The following DAB1 variants were observed in gnomAD, a reference collection of about 807,000 sequenced individuals.
The protein encoded by DAB1 is disabled homolog 1.
Under a neutral mutation model 64.6 loss-of-function variants are expected in DAB1, and 15 were observed. That is an observed-to-expected ratio of 0.23 (90% CI 0.16 to 0.36). The LOEUF is 0.36. Among genes scored for constraint, DAB1 ranks in the 10% least tolerant of loss-of-function variants. The pLI is 1.00. For synonymous variants in DAB1, 235 were observed against 251.9 expected (o/e 0.93, Z 0.64); for missense variants, 596 against 706.7 (o/e 0.84, Z 1.78).
chr1:57,830,915 T>C (rs544432663), intron 1 of DAB1, among the ~76,000 whole-genome samples: 4 of 152,100 alleles, frequency 2.6e-5, no homozygotes, highest in Non-Finnish European at 5.9e-5. Context: ...TTTTATTTTA[T>C]TTATTTCTTT....
chr1:58,309,197 T>C (rs973767453), intron 4 of DAB1, among the ~76,000 whole-genome samples: 1 of 152,178 alleles, frequency 6.6e-6, no homozygotes, highest in African/African-American at 2.4e-5. Context: ...CAGATATAAA[T>C]GTTCCATACA....
chr1:57,746,820 T>TCAATCTG (rs1557457616), intron 6 of DAB1, among the ~76,000 whole-genome samples: 1 of 152,200 alleles, frequency 6.6e-6, no homozygotes, highest in East Asian at 1.9e-4. Context: ...CTGTGATTGG[T>TCAATCTG]TGAACCCATG....
intron 4 of DAB1, among the ~76,000 whole-genome samples, chr1:58,337,537 T>C (rs1055946258): frequency 3.3e-5 from 5 of 152,198 alleles, no homozygotes; most frequent in African/African-American, 1.2e-4. Context: ...TTTTAAATCT[T>C]AGCTCTGCCA....
At chr1:57,991,183 G>C (rs531332414) in intron 5 of DAB1, among the ~76,000 whole-genome samples, 3 of 152,268 alleles carry the variant, frequency 2.0e-5, no homozygotes, top group African/African-American at 7.2e-5. Flanking sequence ...TTTCCATTCT[G>C]CTGGTCAGGG....
intron 14 of DAB1, among the ~76,000 whole-genome samples, chr1:57,009,654 T>C (rs766227761): frequency 3.3e-5 from 5 of 152,198 alleles, no homozygotes; most frequent in Non-Finnish European, 5.9e-5. Flanking sequence ...AAGGAGCCTT[T>C]TGGGAATGGC....
chr1:57,433,100 T>C (rs11577473), intron 7 of DAB1, among the ~76,000 whole-genome samples: 10 of 152,190 alleles, frequency 6.6e-5, no homozygotes, highest in Admixed American at 2.0e-4. Flanking sequence ...ACAATGTTCA[T>C]GGTTTGAAAA....
chr1:58,138,534 G>A (rs1654078171), intron 5 of DAB1, among the ~76,000 whole-genome samples: 1 of 152,182 alleles, frequency 6.6e-6, no homozygotes, highest in Non-Finnish European at 1.5e-5. Flanking sequence ...AGAAAACAAT[G>A]AGTTTGAGGT....
chr1:57,438,389 G>A (rs559323084), intron 7 of DAB1, among the ~76,000 whole-genome samples: 140 of 152,166 alleles, frequency 9.2e-4, no homozygotes, highest in Admixed American at 2.4e-3. Context: ...ACAAGATAGT[G>A]GTTTGTTTTT....
intron 2 of DAB1, among the ~76,000 whole-genome samples, chr1:57,274,626 G>A (rs1320037612): frequency 6.6e-6 from 1 of 152,144 alleles, no homozygotes; most frequent in Non-Finnish European, 1.5e-5. Context: ...TGTTGCCCAG[G>A]CTGGAGTGCA....
intron 1 of DAB1, among the ~76,000 whole-genome samples, chr1:57,881,705 G>A (rs888665275): frequency 2.6e-5 from 4 of 152,084 alleles, no homozygotes; most frequent in East Asian, 1.9e-4. Context: ...TAAAGCATTC[G>A]TATAAATAGA....
At chr1:57,174,422 G>A (rs1662090527) in intron 2 of DAB1, among the ~76,000 whole-genome samples, 1 of 152,116 alleles carries the variant, frequency 6.6e-6, no homozygotes, top group South Asian at 2.1e-4. Flanking sequence ...ATTATAATAT[G>A]CCCTTTATTC....
At chr1:57,733,190 T>G (rs1407209805) in intron 6 of DAB1, among the ~76,000 whole-genome samples, 1 of 152,060 alleles carries the variant, frequency 6.6e-6, no homozygotes, top group African/African-American at 2.4e-5. Flanking sequence ...CTACCCTATT[T>G]AAAATTGCAA....
At chr1:58,068,483 C>T (rs561988681) in intron 5 of DAB1, among the ~76,000 whole-genome samples, 5 of 152,174 alleles carry the variant, frequency 3.3e-5, no homozygotes, top group South Asian at 2.1e-4. Flanking sequence ...GCACCATGAT[C>T]GCCTGGGCAT....
chr1:58,287,702 G>A (rs1228517318), intron 4 of DAB1, among the ~76,000 whole-genome samples: 2 of 152,112 alleles, frequency 1.3e-5, no homozygotes, highest in Non-Finnish European at 2.9e-5. Flanking sequence ...GGTCAAGCAA[G>A]TCACTAAAGT....
At chr1:57,921,719 GAGAAAGCAGCCCAACC>G (rs1169268018) in intron 5 of DAB1, among the ~76,000 whole-genome samples, 2 of 151,990 alleles carry the variant, frequency 1.3e-5, no homozygotes, top group Non-Finnish European at 2.9e-5. Context: ...CTTCCCCACC[GAGAAAGCAGCCCAACC>G]AAACTTTTTA....
At chr1:58,225,753 T>C (rs680415) in intron 4 of DAB1, among the ~76,000 whole-genome samples, 32,581 of 138,904 alleles carry the variant, frequency 0.23, 4,022 homozygotes, top group East Asian at 0.47. Flanking sequence ...TAGGTGGGAA[T>C]TGAACAATGA....
chr1:58,451,150 T>C lies in DAB1; in HGVS notation n.257+54910A>G, dbSNP rs1645131598. ...TGTCACTCAGGGTGGAATGCCATGA[T>C]GCAATCACGACTCACTGCAGCCTCA... On this transcript the variant is annotated intron_variant and non_coding_transcript_variant, in intron 3 of 20. Coordinates refer to the DAB1 transcript ENST00000485760. 3.3e-5 allele frequency among the ~76,000 whole-genome samples: 5 copies of C among 152,212 alleles called. No individual in the cohort carries two copies. In the South Asian group the frequency reaches 1.0e-3, roughly 32 times the overall value.
At chr1:57,612,105 C>T (rs1246999061) in intron 7 of DAB1, among the ~76,000 whole-genome samples, 3 of 152,146 alleles carry the variant, frequency 2.0e-5, no homozygotes, top group Non-Finnish European at 4.4e-5. Context: ...AATGTCACCT[C>T]CTAAGACCCA....
intron 3 of DAB1, among the ~76,000 whole-genome samples, chr1:58,449,129 C>T (rs1645104406): frequency 1.3e-5 from 2 of 152,122 alleles, no homozygotes; most frequent in African/African-American, 4.8e-5. Flanking sequence ...ATGAATTGGC[C>T]AAGCACAGGG....
Sources: gnomAD v4.1 joint callset for allele counts (sites outside exome capture counted in the v4.1 genomes callset) on GRCh38, gnomAD v4.1.1 for gene constraint, MANE v1.5 for transcripts, NCBI Gene and HGNC (gene_info 2026-07-23, HGNC 2026-07-21) for gene names.